PHLPP1: variants seen among roughly 807,000 people sequenced by gnomAD.
The protein encoded by PHLPP1 is PH domain and leucine rich repeat protein phosphatase 1.
PHLPP1 carries 42 observed loss-of-function variants against 117.2 expected under a neutral mutation model. The ratio of observed to expected loss-of-function variants is 0.36; its 90% CI spans 0.28 to 0.46. PHLPP1 has a LOEUF of 0.46. Among genes scored for constraint, PHLPP1 ranks in the 20% least tolerant of loss-of-function variants. The pLI, the probability that PHLPP1 is intolerant of heterozygous loss-of-function variation, is 1.00. For missense variants in PHLPP1, 2,084 were observed against 2,241.9 expected (o/e 0.93, Z 1.42); for synonymous variants, 1,042 against 970.7 (o/e 1.07, Z -1.37).
chr18:62,953,301 G>A (rs1459395220), intron 12 of PHLPP1, among the ~76,000 whole-genome samples: 22 of 152,106 alleles, frequency 1.4e-4, no homozygotes, highest in Admixed American at 1.4e-3. Context: ...CTGCTCTGGG[G>A]CCCAATAGTC....
intron 4 of PHLPP1, among the ~76,000 whole-genome samples, chr18:62,864,097 C>G (rs1287668793): frequency 6.6e-6 from 1 of 152,144 alleles, no homozygotes; most frequent in Admixed American, 6.5e-5. Context: ...TCTCGGCTCA[C>G]TGCAACCTCC....
intron 1 of PHLPP1, among the ~76,000 whole-genome samples, chr18:62,789,086 G>A (rs1281459076): frequency 6.6e-6 from 1 of 152,272 alleles, no homozygotes; most frequent in East Asian, 1.9e-4. Context: ...TTGTGTCAAG[G>A]CAATAAACCA....
chr18:62,826,044 G>A (rs558902726), intron 1 of PHLPP1, among the ~76,000 whole-genome samples: 14 of 152,268 alleles, frequency 9.2e-5, no homozygotes, highest in Non-Finnish European at 1.9e-4. Context: ...TAAAGAAATG[G>A]GAATAGGCTC....
At chr18:62,915,451 A>T (rs1909242384) in intron 9 of PHLPP1, among the ~76,000 whole-genome samples, 1 of 152,216 alleles carries the variant, frequency 6.6e-6, no homozygotes, top group Admixed American at 6.5e-5. Flanking sequence ...ACCTAGAAAG[A>T]GCAAACTAGA....
chr18:62,799,865 A>G (rs951673947), intron 1 of PHLPP1, among the ~76,000 whole-genome samples: 4 of 152,194 alleles, frequency 2.6e-5, no homozygotes, highest in African/African-American at 9.7e-5. Context: ...TTTAACAAGT[A>G]TAATAGTCAA....
chr18:62,925,783 C>T (rs1909611605), intron 10 of PHLPP1, among the ~76,000 whole-genome samples: 3 of 152,140 alleles, frequency 2.0e-5, no homozygotes, highest in Admixed American at 1.3e-4. Flanking sequence ...AAAGTGTTTT[C>T]AGAATTTCCT....
chr18:62,887,223 G>A lies in PHLPP1; in HGVS notation c.2067-7788G>A, dbSNP rs561451189. Among the ~76,000 whole-genome samples, 21 of 152,252 alleles carry A rather than the reference G, an allele frequency of 1.4e-4. No individual in the cohort carries two copies. In the South Asian group the frequency reaches 2.9e-3, roughly 21 times the overall value. On this transcript the variant is annotated intron_variant, in intron 4 of 16. Coordinates refer to ENST00000262719, the MANE Select transcript of PHLPP1 (RefSeq NM_194449.4). ...AGGAGAGATGAAAAGTAGTAATGAC[G>A]TCGAAAGGCAGTAGATTCATAATTG... is the stretch of plus-strand genomic sequence containing the variant.
intron 4 of PHLPP1, among the ~76,000 whole-genome samples, chr18:62,887,529 A>AT (rs1916313571): frequency 6.6e-6 from 1 of 152,198 alleles, no homozygotes; most frequent in Non-Finnish European, 1.5e-5. Flanking sequence ...GTGAGGACTC[A>AT]TTCTGTGCTT....
chr18:62,808,824 G>T (rs899321162), intron 1 of PHLPP1, among the ~76,000 whole-genome samples: 1 of 152,150 alleles, frequency 6.6e-6, no homozygotes, highest in Non-Finnish European at 1.5e-5. Flanking sequence ...AAAGTGCTGG[G>T]ATTACAGGCG....
chr18:62,740,579 AG>A (rs1171478326), intron 1 of PHLPP1, among the ~76,000 whole-genome samples: 1 of 152,258 alleles, frequency 6.6e-6, no homozygotes, highest in Non-Finnish European at 1.5e-5. Flanking sequence ...AATTGTAGTA[AG>A]CATTGTATTT....
At chr18:62,829,977 A>G in intron 1 of PHLPP1, 58 bp from the exon 2 acceptor site, 1 of 1,262,426 alleles carries the variant, frequency 7.9e-7, no homozygotes, top group Non-Finnish European at 1.1e-6. Flanking sequence ...TGCTATGTAG[A>G]TGAGTAGGAA....
chr18:62,946,072 G>A (rs978408436), intron 12 of PHLPP1, among the ~76,000 whole-genome samples: 4 of 152,216 alleles, frequency 2.6e-5, no homozygotes, highest in South Asian at 2.1e-4. Flanking sequence ...TCTAGTAATC[G>A]ATTTTATGCT....
intron 4 of PHLPP1, among the ~76,000 whole-genome samples, chr18:62,888,936 T>A (rs1476785314): frequency 6.6e-6 from 1 of 152,236 alleles, no homozygotes; most frequent in Non-Finnish European, 1.5e-5. Context: ...AGTATGTGTT[T>A]CACTCATTCC....
intron 10 of PHLPP1, among the ~76,000 whole-genome samples, chr18:62,932,930 T>G (rs12954711): frequency 0.066 from 10,079 of 152,240 alleles, 469 homozygotes; most frequent in Non-Finnish European, 0.098. Context: ...GGATTCAGAA[T>G]CAGCACCCGA....
At chr18:62,855,645 G>T (rs1466973135) in intron 3 of PHLPP1, among the ~76,000 whole-genome samples, 1 of 152,198 alleles carries the variant, frequency 6.6e-6, no homozygotes, top group Non-Finnish European at 1.5e-5. Context: ...GACTGCCCTT[G>T]CTTGTAGCCT....
Position 62,850,602 on chromosome 18 carries a change from T to A in PHLPP1, c.1900-9833T>A, listed in dbSNP as rs560053679. On this transcript the variant is annotated intron_variant, in intron 3 of 16. Coordinates refer to ENST00000262719, the MANE Select transcript of PHLPP1 (RefSeq NM_194449.4). ...TTAAAGAGATTGTTTATACATATTT[T>A]GCCAATAAGGAACTGAGGAAGGAAC... Among the ~76,000 whole-genome samples the A allele has an allele frequency of 5.3e-5, 8 of 152,318 alleles. No homozygotes were observed. In the South Asian group the frequency reaches 1.7e-3, roughly 32 times the overall value.
intron 1 of PHLPP1, among the ~76,000 whole-genome samples, chr18:62,726,458 AG>A (rs959847893): frequency 6.6e-6 from 1 of 151,236 alleles, no homozygotes; most frequent in African/African-American, 2.4e-5. Flanking sequence ...CTTTTCCTCT[AG>A]GTTTTCAGGG....
chr18:62,919,837 G>A (rs2144425252), intron 9 of PHLPP1, 122 bp from the exon 10 acceptor site: 1 of 711,048 alleles, frequency 1.4e-6, no homozygotes, highest in Middle Eastern at 3.8e-4. Context: ...ATAGTTTCAA[G>A]TTTGAATTTA....
chr18:62,788,775 A>G (rs1913374165), intron 1 of PHLPP1, among the ~76,000 whole-genome samples: 2 of 152,192 alleles, frequency 1.3e-5, no homozygotes, highest in African/African-American at 2.4e-5. Flanking sequence ...AATTCCAGAT[A>G]AAAGATGGTT....
Sources: allele counts gnomAD v4.1 joint callset (sites outside exome capture counted in the v4.1 genomes callset), GRCh38; gene constraint gnomAD v4.1.1; transcripts MANE v1.5; gene names NCBI Gene and HGNC (gene_info 2026-07-23, HGNC 2026-07-21).